The following CASD1 variants were observed in gnomAD, a reference collection of about 807,000 sequenced individuals.
CASD1 encodes N-acetylneuraminate (7)9-O-acetyltransferase.
A neutral mutation model predicts 100.0 loss-of-function variants in CASD1; 41 were observed. The observed-to-expected ratio is 0.41, with a 90% CI of 0.32 to 0.53. The LOEUF (loss-of-function observed/expected upper bound fraction) is 0.53, where lower values mean the gene tolerates loss of function less well. Ranked by LOEUF, CASD1 falls within the 20% of genes least tolerant of loss-of-function variation. The pLI is 0.25. For synonymous variants in CASD1, 321 were observed against 315.6 expected, an observed-to-expected ratio of 1.02 and a Z score of -0.18; for missense variants, 774 against 948.7, an observed-to-expected ratio of 0.82 and a Z score of 2.42.
rs1236451642 is a variant in CASD1, at chr7:94,535,500, C to T, written c.820C>T (p.Leu274Phe). Residue 274 changes from leucine (L) to phenylalanine (F), a missense_variant, in exon 8 of 18, where the codon CTT (leucine) becomes TTT (phenylalanine). Transcript: ENST00000297273. ...CATGGAATCTTTGGATGGCTTACATCTTCCTGAATCGAGCAGAGAAACTGT... is the reference window on the plus strand; with the variant it reads ...CATGGAATCTTTGGATGGCTTACATTTTCCTGAATCGAGCAGAGAAACTGT... Reference protein sequence around the residue: ...TIMESLDGLHLPESSRETTAM... With the variant: ...TIMESLDGLHFPESSRETTAM... 2 of 1,613,434 alleles carry T rather than the reference C, an allele frequency of 1.2e-6. No individual in the cohort carries two copies. Among genetic ancestry groups the T allele is most frequent in the Admixed American group, 1.7e-5 (1 of 60,002 alleles).
At chr7:94,606,443 GT>G in the CASD1 span, among the ~76,000 whole-genome samples, 6 of 152,162 alleles carry the variant, frequency 3.9e-5, no homozygotes, top group Non-Finnish European at 4.4e-5. Flanking sequence ...TCCTTAATGT[GT>G]ATATGCCTCA....
the CASD1 span, among the ~76,000 whole-genome samples, chr7:94,611,017 T>C: frequency 6.6e-6 from 1 of 152,154 alleles, no homozygotes; most frequent in African/African-American, 2.4e-5. Context: ...GGTGAAGATA[T>C]GGAAAAGTTG....
At chr7:94,606,295 A>G in the CASD1 span, among the ~76,000 whole-genome samples, 1 of 152,228 alleles carries the variant, frequency 6.6e-6, no homozygotes, top group African/African-American at 2.4e-5. Flanking sequence ...AAGATATACT[A>G]TGCTAACAAT....
chr7:94,509,832 G>C lies in CASD1; in HGVS notation c.-253G>C, dbSNP rs991070460. The C allele has an allele frequency of 3.0e-6, 3 of 1,002,292 alleles. No individual in the cohort carries two copies. In the African/African-American group the frequency reaches 5.2e-5, roughly 17 times the overall value. 62.1% of individuals were successfully genotyped at this position (1,002,292 alleles called of 1,614,324 possible). ...AGGAGACAGGCGTCCAGGGCGCCTG[G>C]GGAACCGGCACGGCGGAGCAGCGGC... On this transcript the variant is annotated 5_prime_UTR_variant, in exon 1 of 18. Coordinates refer to ENST00000297273, the MANE Select transcript of CASD1 (RefSeq NM_022900.5).
chr7:94,570,653 C>T, the CASD1 span, among the ~76,000 whole-genome samples: 1 of 152,052 alleles, frequency 6.6e-6, no homozygotes, highest in Admixed American at 6.6e-5. Context: ...CACCACCATG[C>T]CCAGTTAATT....
chr7:94,518,893 A>G (rs2116208557), intron 3 of CASD1, among the ~76,000 whole-genome samples: 1 of 152,140 alleles, frequency 6.6e-6, no homozygotes, highest in South Asian at 2.1e-4. Flanking sequence ...TACATTTTAA[A>G]TTACTTCTTT....
At chr7:94,586,657 G>T in the CASD1 span, 1 of 158,770 alleles carries the variant, frequency 6.3e-6, no homozygotes, top group Non-Finnish European at 1.2e-5. Flanking sequence ...ATGCCACCAT[G>T]CCCAGCTAAT....
chr7:94,531,060 A>C (rs1458421748), intron 5 of CASD1, among the ~76,000 whole-genome samples: 1 of 152,174 alleles, frequency 6.6e-6, no homozygotes, highest in Non-Finnish European at 1.5e-5. Flanking sequence ...GGCATAAATG[A>C]GAGATAAAGA....
At chr7:94,527,057 T>C (rs948752836) in intron 3 of CASD1, 105 bp from the exon 4 acceptor site, 9 of 859,206 alleles carry the variant, frequency 1.0e-5, no homozygotes, top group Non-Finnish European at 1.7e-5. Context: ...CATAAAAATA[T>C]ATCAACAAAA....
At chr7:94,566,192 CAATTA>C in the CASD1 span, among the ~76,000 whole-genome samples, 1 of 152,058 alleles carries the variant, frequency 6.6e-6, no homozygotes, top group South Asian at 2.1e-4. Flanking sequence ...CAGAAATTTA[CAATTA>C]AATTCATGGG....
At chr7:94,555,044 TG>T (rs1415789502) in intron 17 of CASD1, among the ~76,000 whole-genome samples, 1 of 152,150 alleles carries the variant, frequency 6.6e-6, no homozygotes, top group Non-Finnish European at 1.5e-5. Flanking sequence ...CATTACATTT[TG>T]TGTAAGATAC....
intron 5 of CASD1, among the ~76,000 whole-genome samples, 196 bp downstream of exon 5, chr7:94,528,446 A>G (rs573074656): frequency 3.9e-5 from 6 of 152,196 alleles, no homozygotes; most frequent in Non-Finnish European, 7.4e-5. Context: ...TCTCTGCTCC[A>G]TTATCACCAT....
intron 5 of CASD1, among the ~76,000 whole-genome samples, chr7:94,529,420 T>C (rs1268261479): frequency 1.3e-5 from 2 of 152,160 alleles, no homozygotes; most frequent in Admixed American, 1.3e-4. Context: ...AGCCTTAGAT[T>C]CTATTGTAAA....
the CASD1 span, among the ~76,000 whole-genome samples, chr7:94,611,415 C>T: frequency 7.2e-6 from 1 of 139,712 alleles, no homozygotes; most frequent in African/African-American, 2.6e-5. Flanking sequence ...TATATAATTC[C>T]ATTTATACAA....
chr7:94,614,106 T>TAAAAAAAAAAAAAAAAA, the CASD1 span, among the ~76,000 whole-genome samples: 3 of 55,172 alleles, frequency 5.4e-5, no homozygotes, highest in African/African-American at 8.6e-5. Context: ...CAAATTGAAA[T>TAAAAAAAAAAAAAAAAA]CAAAAAAAAA....
the CASD1 span, chr7:94,588,748 A>G: frequency 6.2e-7 from 1 of 1,613,536 alleles, no homozygotes; most frequent in Non-Finnish European, 8.5e-7. Context: ...AATGATGAAC[A>G]TTTTTGAGTA....
chr7:94,566,329 T>G, the CASD1 span, among the ~76,000 whole-genome samples: 18 of 152,236 alleles, frequency 1.2e-4, no homozygotes, highest in South Asian at 2.5e-3. Context: ...AATTTAATTT[T>G]TATCTAATTT....
chr7:94,575,762 G>A, the CASD1 span, among the ~76,000 whole-genome samples: 2 of 149,354 alleles, frequency 1.3e-5, no homozygotes, highest in Non-Finnish European at 3.0e-5. Flanking sequence ...TAAAATCTTT[G>A]GTTGATGATT....
the CASD1 span, chr7:94,585,228 G>C: frequency 5.0e-6 from 2 of 402,346 alleles, no homozygotes; most frequent in Non-Finnish European, 8.9e-6. Flanking sequence ...CAGTCATTAG[G>C]CTTCATTAAT....
Sources: gnomAD v4.1 joint callset for allele counts (sites outside exome capture counted in the v4.1 genomes callset) on GRCh38, gnomAD v4.1.1 for gene constraint, MANE v1.5 for transcripts, NCBI Gene and HGNC (gene_info 2026-07-23, HGNC 2026-07-21) for gene names.